Variants in GABBR2 observed in about 807,000 individuals in gnomAD.
GABBR2 encodes G-protein coupled receptor 51.
GABBR2 carries 23 observed loss-of-function variants against 105.6 expected under a neutral mutation model. That is an observed-to-expected ratio of 0.22 (90% CI 0.16 to 0.31). The LOEUF (loss-of-function observed/expected upper bound fraction) is 0.31. GABBR2 is among the 10% of genes least tolerant of loss of function. The probability of loss-of-function intolerance (pLI) is 1.00; values close to 1 mark genes in which losing one functional copy is unlikely to be tolerated. For missense variants in GABBR2, 734 were observed against 1,245.5 expected (o/e 0.59, Z 6.18); for synonymous variants, 478 against 499.7 (o/e 0.96, Z 0.58).
intron 17 of GABBR2, among the ~76,000 whole-genome samples, chr9:98,296,586 AATGGTATCTC>A (rs2131340284): frequency 1.3e-5 from 2 of 152,320 alleles, no homozygotes; most frequent in African/African-American, 4.8e-5. Flanking sequence ...TTGAGGCAAA[AATGGTATCTC>A]ATTGCAGATT....
chr9:98,477,627 C>T (rs1469181719), intron 5 of GABBR2, among the ~76,000 whole-genome samples: 6 of 152,158 alleles, frequency 3.9e-5, no homozygotes, highest in South Asian at 2.1e-4. Context: ...TGAGTTCACA[C>T]GGTTCAGCCC....
chr9:98,630,168 C>T (rs1263853071), intron 1 of GABBR2, among the ~76,000 whole-genome samples: 1 of 152,054 alleles, frequency 6.6e-6, no homozygotes, highest in Non-Finnish European at 1.5e-5. Flanking sequence ...TATCCAGATA[C>T]CCTGGAACAA....
chr9:98,421,469 A>T (rs1004765885), intron 7 of GABBR2, among the ~76,000 whole-genome samples: 2 of 152,098 alleles, frequency 1.3e-5, no homozygotes, highest in South Asian at 2.1e-4. Context: ...TTTTGTTTCA[A>T]TTTCTGTGCA....
rs530113489 is a variant in GABBR2, at chr9:98,511,338, T to G, written c.631-14824A>C. Among the ~76,000 whole-genome samples, 720 of 150,100 alleles carry G rather than the reference T, an allele frequency of 4.8e-3. 5 individuals carry two copies. Among genetic ancestry groups the G allele is most frequent in the Non-Finnish European group, 7.9e-3 (536 of 67,542 alleles). ...AAAATTGACACCCTAACATCACAAT[T>G]AAAAGAACTAGAAAAGCAAGAGCAA... is the stretch of plus-strand genomic sequence containing the variant. On this transcript the variant is annotated intron_variant, in intron 3 of 18. Transcript: ENST00000259455.
chr9:98,370,967 T>C (rs1433086169), intron 12 of GABBR2, among the ~76,000 whole-genome samples: 1 of 152,124 alleles, frequency 6.6e-6, no homozygotes, highest in Non-Finnish European at 1.5e-5. Flanking sequence ...GGCTCCCTAT[T>C]GCCCATAAGT....
chr9:98,322,391 C>T (rs13440181), intron 13 of GABBR2, among the ~76,000 whole-genome samples: 1,536 of 152,210 alleles, frequency 0.01, 34 homozygotes, highest in African/African-American at 0.034. Context: ...GTGTGAAGTT[C>T]TCTCCCCTTT....
rs1450763733 is a variant in GABBR2, at chr9:98,706,119, AAAAAAAAG to A, written c.321+2290_321+2297del. ...ACAAAACAAAAAAAACAAAAAAAAA[AAAAAAAAG>A]AAGGAGGAGGAGGAGGGGAGGCAGC... On this transcript the variant is annotated intron_variant, in intron 1 of 18. Coordinates refer to ENST00000259455, the MANE Select transcript of GABBR2 (RefSeq NM_005458.8). Among the ~76,000 whole-genome samples, 9 of 151,786 alleles carry A rather than the reference AAAAAAAAG, an allele frequency of 5.9e-5. No homozygotes were observed. In the East Asian group the frequency reaches 7.7e-4, roughly 13 times the overall value.
chr9:98,415,124 G>A (rs917850145), intron 7 of GABBR2, among the ~76,000 whole-genome samples: 16 of 152,040 alleles, frequency 1.1e-4, no homozygotes, highest in East Asian at 3.9e-4. Flanking sequence ...CAGTATACTC[G>A]CAATTACGTA....
chr9:98,432,752 C>T (rs1014938638), intron 7 of GABBR2, among the ~76,000 whole-genome samples: 6 of 152,104 alleles, frequency 3.9e-5, no homozygotes, highest in African/African-American at 9.7e-5. Context: ...TCTCTTTGAC[C>T]ATGCCAGGCA....
At chr9:98,591,126 G>A (rs1188951089) in intron 1 of GABBR2, among the ~76,000 whole-genome samples, 1 of 152,174 alleles carries the variant, frequency 6.6e-6, no homozygotes, top group African/African-American at 2.4e-5. Context: ...AAAAAGGAAG[G>A]AATATTCAAA....
At chr9:98,659,625 A>G (rs1280635756) in intron 1 of GABBR2, among the ~76,000 whole-genome samples, 1 of 147,602 alleles carries the variant, frequency 6.8e-6, no homozygotes, top group Non-Finnish European at 1.5e-5. Flanking sequence ...GGTTCAAACA[A>G]TTCTCCTGCC....
chr9:98,353,413 C>T (rs933249906), intron 13 of GABBR2, among the ~76,000 whole-genome samples: 1 of 152,150 alleles, frequency 6.6e-6, no homozygotes, highest in Non-Finnish European at 1.5e-5. Flanking sequence ...TTCCAAACTC[C>T]TGTTAATGTT....
intron 2 of GABBR2, among the ~76,000 whole-genome samples, chr9:98,563,068 CAAAAAAAAAAAAAAAAAA>C (rs56185925): frequency 4.8e-5 from 3 of 63,024 alleles, no homozygotes; most frequent in East Asian, 5.1e-4. Context: ...AGACCCTGTC[CAAAAAAAAAAAAAAAAAA>C]AAAAAAAAAG....
chr9:98,402,657 C>T (rs1353734537), intron 8 of GABBR2, among the ~76,000 whole-genome samples: 2 of 152,092 alleles, frequency 1.3e-5, no homozygotes, highest in African/African-American at 4.8e-5. Context: ...TTGTGGGCAA[C>T]CGAGGCTCAG....
chr9:98,481,211 G>A (rs1435420590), intron 4 of GABBR2, among the ~76,000 whole-genome samples: 2 of 152,198 alleles, frequency 1.3e-5, no homozygotes, highest in Non-Finnish European at 2.9e-5. Flanking sequence ...CCTGCAGTCA[G>A]TCCACCCTGG....
chr9:98,372,542 T>G (rs969142700), intron 11 of GABBR2, among the ~76,000 whole-genome samples: 3 of 152,170 alleles, frequency 2.0e-5, no homozygotes, highest in Non-Finnish European at 2.9e-5. Flanking sequence ...AGGCAGAAAG[T>G]TGGATGTGGT....
At chr9:98,668,883 T>TTGTG (rs35341252) in intron 1 of GABBR2, among the ~76,000 whole-genome samples, 255 of 147,712 alleles carry the variant, frequency 1.7e-3, no homozygotes, top group Middle Eastern at 0.01. Flanking sequence ...ATATTCCATT[T>TTGTG]TGTGTGTGTG....
At chr9:98,498,963 C>T (rs1457224486) in intron 3 of GABBR2, among the ~76,000 whole-genome samples, 2 of 152,236 alleles carry the variant, frequency 1.3e-5, no homozygotes, top group Non-Finnish European at 2.9e-5. Flanking sequence ...CACAGTCTAG[C>T]CTTGGCTCTC....
chr9:98,552,430 T>G (rs995203647), intron 2 of GABBR2, among the ~76,000 whole-genome samples: 12 of 152,196 alleles, frequency 7.9e-5, no homozygotes, highest in Non-Finnish European at 1.5e-4. Context: ...AGGAAGCTTC[T>G]GACAAAACAC....
Sources: allele counts gnomAD v4.1 joint callset (sites outside exome capture counted in the v4.1 genomes callset), GRCh38; gene constraint gnomAD v4.1.1; transcripts MANE v1.5; gene names NCBI Gene and HGNC (gene_info 2026-07-23, HGNC 2026-07-21).